Variants in MAGI1 observed in about 807,000 individuals in gnomAD.
MAGI1 encodes membrane-associated guanylate kinase, WW and PDZ domain-containing protein 1.
Under a neutral mutation model 139.9 loss-of-function variants are expected in MAGI1, and 58 were observed. The observed-to-expected ratio is 0.41, with a 90% CI of 0.34 to 0.52. The LOEUF (loss-of-function observed/expected upper bound fraction) is 0.52. Ranked by LOEUF, MAGI1 falls within the 20% of genes least tolerant of loss-of-function variation. The pLI is 0.12. For synonymous variants in MAGI1, 812 were observed against 737.9 expected (o/e 1.10, Z -1.63); for missense variants, 1,874 against 1,901.6 (o/e 0.99, Z 0.27).
rs1950778097 is a variant in MAGI1, at chr3:65,474,841, A to G, written c.757+3751T>C. Among the ~76,000 whole-genome samples the G allele has an allele frequency of 3.9e-5, 6 of 152,172 alleles. No individual in the cohort carries two copies. The South Asian group carries it at 1.2e-3, about 32-fold the overall frequency. ...CAAATAGCATACTAGGTGTGCACTCAGGCTGTGGAATCAGACTTTCTGGGT... is the reference window on the plus strand; with the variant it reads ...CAAATAGCATACTAGGTGTGCACTCGGGCTGTGGAATCAGACTTTCTGGGT... On this transcript the variant is annotated intron_variant, in intron 4 of 22. Coordinates refer to ENST00000402939, the MANE Select transcript of MAGI1 (RefSeq NM_001033057.2).
At chr3:65,727,299 C>T (rs1230425306) in intron 1 of MAGI1, among the ~76,000 whole-genome samples, 8 of 152,220 alleles carry the variant, frequency 5.3e-5, no homozygotes, top group Admixed American at 5.2e-4. Context: ...TTGAAAACCA[C>T]TGCTTTACAC....
At chr3:65,457,986 A>C (rs1949514690) in intron 5 of MAGI1, among the ~76,000 whole-genome samples, 1 of 151,746 alleles carries the variant, frequency 6.6e-6, no homozygotes, top group African/African-American at 2.4e-5. Flanking sequence ...CCATCATTCT[A>C]CTCTACCTCC....
intron 1 of MAGI1, among the ~76,000 whole-genome samples, chr3:65,723,217 C>T (rs939068002): frequency 1.3e-5 from 2 of 152,040 alleles, no homozygotes; most frequent in Non-Finnish European, 2.9e-5. Flanking sequence ...GGAGTGAAAC[C>T]CCTTGTGGCA....
At chr3:65,377,827 C>A (rs1942676631) in intron 17 of MAGI1, among the ~76,000 whole-genome samples, 1 of 152,184 alleles carries the variant, frequency 6.6e-6, no homozygotes, top group African/African-American at 2.4e-5. Context: ...CATGCATAGA[C>A]CTGGCTGAGT....
intron 2 of MAGI1, among the ~76,000 whole-genome samples, chr3:65,588,526 G>A (rs1354672642): frequency 6.6e-6 from 1 of 152,160 alleles, no homozygotes; most frequent in Non-Finnish European, 1.5e-5. Context: ...AGGCAATGTA[G>A]ATGAAAGTCT....
chr3:65,709,122 T>C (rs2030917720), intron 1 of MAGI1, among the ~76,000 whole-genome samples: 1 of 152,208 alleles, frequency 6.6e-6, no homozygotes, highest in Non-Finnish European at 1.5e-5. Flanking sequence ...AACATGAATA[T>C]GTATATACAC....
intron 1 of MAGI1, among the ~76,000 whole-genome samples, chr3:65,736,190 C>T (rs1179773716): frequency 6.6e-6 from 1 of 152,158 alleles, no homozygotes; most frequent in Non-Finnish European, 1.5e-5. Context: ...CAAAAGAGCA[C>T]TTTGATTTCT....
At chr3:65,879,839 G>T (rs768184842) in intron 1 of MAGI1, among the ~76,000 whole-genome samples, 4 of 152,182 alleles carry the variant, frequency 2.6e-5, no homozygotes, top group Non-Finnish European at 4.4e-5. Flanking sequence ...TGATAAGTGG[G>T]CTGAACTGGG....
intron 1 of MAGI1, among the ~76,000 whole-genome samples, chr3:65,851,792 A>G (rs2059212827): frequency 6.6e-6 from 1 of 152,186 alleles, no homozygotes; most frequent in African/African-American, 2.4e-5. Context: ...CACATACAAG[A>G]TGGCCACATA....
intron 1 of MAGI1, among the ~76,000 whole-genome samples, chr3:65,768,873 A>T (rs1428820759): frequency 6.6e-6 from 1 of 152,230 alleles, no homozygotes; most frequent in East Asian, 1.9e-4. Flanking sequence ...TGCTCCGTAC[A>T]GAGAATAATA....
chr3:65,783,762 T>C (rs4355314), intron 1 of MAGI1, among the ~76,000 whole-genome samples: 46,406 of 141,606 alleles, frequency 0.33, 7,822 homozygotes, highest in Middle Eastern at 0.48. Flanking sequence ...CCTCTCAAAG[T>C]GCTGAGATTA....
intron 1 of MAGI1, among the ~76,000 whole-genome samples, chr3:65,709,188 G>A (rs759088830): frequency 7.9e-5 from 12 of 152,072 alleles, no homozygotes; most frequent in Admixed American, 1.3e-4. Flanking sequence ...CATCATTCTC[G>A]CTTGGTTTTT....
intron 10 of MAGI1, among the ~76,000 whole-genome samples, chr3:65,432,528 G>GA (rs1947536248): frequency 6.6e-6 from 1 of 152,184 alleles, no homozygotes; most frequent in South Asian, 2.1e-4. Flanking sequence ...CCTGCAATCA[G>GA]AGGTCCTTTC....
rs1401986758 is a variant in MAGI1 at position 65,566,232 on chromosome 3, C to T, written c.430+55740G>A. 4.0e-5 allele frequency among the ~76,000 whole-genome samples: 6 copies of T among 151,376 alleles called. No individual in the cohort carries two copies. In the East Asian group the frequency reaches 7.8e-4, roughly 20 times the overall value. On this transcript the variant is annotated intron_variant, in intron 2 of 22. Coordinates refer to ENST00000402939, the MANE Select transcript of MAGI1 (RefSeq NM_001033057.2). ...CTGCACCACTGCACTCCAGCCTGGG[C>T]AACAGAGCAAGACTCTGTCTCAAAA...
chr3:65,719,747 A>G (rs994944490), intron 1 of MAGI1, among the ~76,000 whole-genome samples: 1 of 152,024 alleles, frequency 6.6e-6, no homozygotes, highest in African/African-American at 2.4e-5. Flanking sequence ...GAGTTTTGCC[A>G]TGTTGGCCAG....
intron 9 of MAGI1, among the ~76,000 whole-genome samples, chr3:65,438,573 A>G (rs1201270095): frequency 6.6e-6 from 1 of 152,230 alleles, no homozygotes; most frequent in African/African-American, 2.4e-5. Flanking sequence ...TAACATTTCA[A>G]TGGGTGAATG....
chr3:65,383,170 CCTA>C (rs970541244), intron 15 of MAGI1, among the ~76,000 whole-genome samples: 2 of 152,146 alleles, frequency 1.3e-5, no homozygotes, highest in Non-Finnish European at 2.9e-5. Flanking sequence ...ACATACAAAG[CCTA>C]CTACCTGCTG....
At chr3:65,952,675 G>C (rs369101402) in intron 1 of MAGI1, among the ~76,000 whole-genome samples, 1 of 152,108 alleles carries the variant, frequency 6.6e-6, no homozygotes, top group Non-Finnish European at 1.5e-5. Context: ...TTAGCCAAGC[G>C]TGGTGGCGGG....
At chr3:65,396,832 G>A (rs990422652) in intron 13 of MAGI1, among the ~76,000 whole-genome samples, 1 of 152,140 alleles carries the variant, frequency 6.6e-6, no homozygotes, top group African/African-American at 2.4e-5. Context: ...TGCAGAGGAT[G>A]GTCATTCCTT....
Sources: allele counts gnomAD v4.1 joint callset (sites outside exome capture counted in the v4.1 genomes callset), GRCh38; gene constraint gnomAD v4.1.1; transcripts MANE v1.5; gene names NCBI Gene and HGNC (gene_info 2026-07-23, HGNC 2026-07-21).